The following WDPCP variants were observed in gnomAD, a reference collection of about 807,000 sequenced individuals.
WDPCP encodes the protein WD repeat containing planar cell polarity effector, also known as WD repeat-containing and planar cell polarity effector protein fritz homolog.
Under a neutral mutation model 93.1 loss-of-function variants are expected in WDPCP, and 71 were observed. That is an observed-to-expected ratio of 0.76 (90% CI 0.63 to 0.93). The LOEUF is 0.93. Ranked by LOEUF, WDPCP falls within the 40% of genes least tolerant of loss-of-function variation. The pLI is 0.00. For synonymous variants in WDPCP, 315 were observed against 315.0 expected (o/e 1.00, Z 0.00); for missense variants, 844 against 887.4 (o/e 0.95, Z 0.62).
intron 15 of WDPCP, among the ~76,000 whole-genome samples, chr2:63,169,403 A>AT (rs1241587542): frequency 6.6e-6 from 1 of 152,040 alleles, no homozygotes; most frequent in Non-Finnish European, 1.5e-5. Flanking sequence ...CTTATATTTT[A>AT]TTTTTTTGAA....
chr2:63,615,764 G>C lies in WDPCP; in HGVS notation n.488+34895C>G, dbSNP rs370288788. On this transcript the variant is annotated intron_variant and non_coding_transcript_variant, in intron 3 of 4. Coordinates refer to the WDPCP transcript ENST00000467687. ...CCCAGGCAATGAGGCCATTTCAAGA[G>C]GGGTGTCAGCCACAACCCTTAGGAT... is the stretch of plus-strand genomic sequence containing the variant. Among the ~76,000 whole-genome samples the C allele has an allele frequency of 3.2e-4, 48 of 152,296 alleles. 1 individual carries two copies. In the East Asian group the frequency reaches 9.1e-3, roughly 29 times the overall value.
chr2:63,329,327 C>T (rs1687807356), intron 12 of WDPCP, among the ~76,000 whole-genome samples: 1 of 152,132 alleles, frequency 6.6e-6, no homozygotes, highest in African/African-American at 2.4e-5. Context: ...GCAAAATGTG[C>T]TCCGGGTTCA....
chr2:63,138,787 T>C (rs1670833418), intron 17 of WDPCP, among the ~76,000 whole-genome samples: 1 of 152,120 alleles, frequency 6.6e-6, no homozygotes, highest in Non-Finnish European at 1.5e-5. Context: ...TTGGGAGATT[T>C]TGGTGCACCC....
rs548973188 is a variant in WDPCP, at chr2:63,656,117, C to T, written n.309-5279G>A. 3.3e-5 allele frequency among the ~76,000 whole-genome samples: 5 copies of T among 152,296 alleles called. No homozygotes were observed. In the South Asian group the frequency reaches 8.3e-4, roughly 25 times the overall value. On this transcript the variant is annotated intron_variant and non_coding_transcript_variant, in intron 2 of 4. Coordinates refer to the WDPCP transcript ENST00000467687. Reference sequence around the variant, plus strand: ...CTCCTATTTCTCTGAACTTAGAATGCAGGTACTTGGTGCCTTTTGTTCTCA... The same window carrying T: ...CTCCTATTTCTCTGAACTTAGAATGTAGGTACTTGGTGCCTTTTGTTCTCA...
chr2:63,823,245 C>T (rs1433621471), intron 1 of WDPCP, among the ~76,000 whole-genome samples: 1 of 150,826 alleles, frequency 6.6e-6, no homozygotes, highest in Non-Finnish European at 1.5e-5. Flanking sequence ...CAGTAGCTCA[C>T]GTCTGTAATC....
At chr2:63,654,262 AAAT>A (rs1710141264) in intron 2 of WDPCP, among the ~76,000 whole-genome samples, 1 of 152,220 alleles carries the variant, frequency 6.6e-6, no homozygotes, top group Non-Finnish European at 1.5e-5. Context: ...AAGACAATAA[AAAT>A]AATCTAAAAC....
At chr2:63,792,504 C>T (rs983336145) in intron 2 of WDPCP, among the ~76,000 whole-genome samples, 1 of 152,128 alleles carries the variant, frequency 6.6e-6, no homozygotes, top group African/African-American at 2.4e-5. Context: ...ACCATATCAA[C>T]ATGTCAGCCC....
intron 2 of WDPCP, among the ~76,000 whole-genome samples, chr2:63,796,589 A>G (rs534118919): frequency 2.0e-5 from 3 of 152,346 alleles, no homozygotes; most frequent in Admixed American, 6.5e-5. Context: ...AAACATTGCA[A>G]TGGAACTCAG....
At chr2:63,474,134 T>C (rs1406587494) in intron 6 of WDPCP, among the ~76,000 whole-genome samples, 3 of 152,146 alleles carry the variant, frequency 2.0e-5, no homozygotes, top group Non-Finnish European at 4.4e-5. Flanking sequence ...GGAAATGCTA[T>C]ATAAATTTTA....
In WDPCP at chr2:63,119,685, C is replaced by G. The variant is rs1669450900; in HGVS notation, c.*2321G>C. The G allele has an allele frequency of 6.6e-6, 1 of 152,138 alleles. No homozygotes were observed. Among genetic ancestry groups the G allele is most frequent in the South Asian group, 2.1e-4 (1 of 4,830 alleles). The allele number at this position is 152,138 out of a possible 1,614,324, so 9.4% of individuals were successfully genotyped here. A position where few individuals can be genotyped will look rare whatever the true frequency, so the allele number is the denominator to read the frequency against. Reference sequence around the variant, plus strand: ...GTTGAAAAAGCTCATGGGTCTATTCCTAAAGGACAACCTGTGAACCTGTCA... The same window carrying G: ...GTTGAAAAAGCTCATGGGTCTATTCGTAAAGGACAACCTGTGAACCTGTCA... On this transcript the variant is annotated 3_prime_UTR_variant, in exon 18 of 18. Coordinates refer to ENST00000272321, the MANE Select transcript of WDPCP (RefSeq NM_015910.7).
chr2:63,714,654 C>G (rs902418671), intron 2 of WDPCP, among the ~76,000 whole-genome samples: 1 of 151,988 alleles, frequency 6.6e-6, no homozygotes, highest in African/African-American at 2.4e-5. Flanking sequence ...ACAGTAAAAC[C>G]CTGTCTCTAC....
chr2:63,690,232 G>T (rs1431312994), intron 2 of WDPCP, among the ~76,000 whole-genome samples: 1 of 152,188 alleles, frequency 6.6e-6, no homozygotes, highest in Non-Finnish European at 1.5e-5. Context: ...AGATTGGAGA[G>T]AAATTATTGT....
intron 14 of WDPCP, among the ~76,000 whole-genome samples, chr2:63,186,811 GTTT>G (rs34323591): frequency 1.5e-5 from 2 of 132,554 alleles, no homozygotes; most frequent in Admixed American, 7.5e-5. Flanking sequence ...GTGTGTGTGT[GTTT>G]TTTTTTTTTT....
At chr2:63,501,959 C>A (rs911679091) in intron 1 of WDPCP, among the ~76,000 whole-genome samples, 1 of 152,126 alleles carries the variant, frequency 6.6e-6, no homozygotes, top group Non-Finnish European at 1.5e-5. Flanking sequence ...AAAAGCAACA[C>A]ATACTTATTG....
chr2:63,766,631 T>A (rs1471751847), intron 2 of WDPCP, among the ~76,000 whole-genome samples: 1 of 151,766 alleles, frequency 6.6e-6, no homozygotes, highest in Non-Finnish European at 1.5e-5. Context: ...AATGCATATG[T>A]TTAAAGTCTC....
intron 14 of WDPCP, among the ~76,000 whole-genome samples, chr2:63,203,849 C>T (rs1559199850): frequency 6.6e-6 from 1 of 152,156 alleles, no homozygotes; most frequent in Admixed American, 6.5e-5. Flanking sequence ...CTTATTTCAT[C>T]CAGTTCCATC....
chr2:63,721,595 C>G lies in WDPCP; in HGVS notation n.309-70757G>C, dbSNP rs181344872. Among the ~76,000 whole-genome samples the G allele has an allele frequency of 1.4e-4, 21 of 152,286 alleles. No individual in the cohort carries two copies. In the East Asian group the frequency reaches 3.7e-3, roughly 27 times the overall value. Reference sequence around the variant, plus strand: ...CAGTAACTTTCTCATTCTCCTGGCTCCAGCTATAATGGCCTTTCCATTTTT... The same window carrying G: ...CAGTAACTTTCTCATTCTCCTGGCTGCAGCTATAATGGCCTTTCCATTTTT... On this transcript the variant is annotated intron_variant and non_coding_transcript_variant, in intron 2 of 4. Coordinates refer to the WDPCP transcript ENST00000467687.
chr2:63,337,187 C>T (rs551911426), intron 12 of WDPCP, among the ~76,000 whole-genome samples: 44 of 152,198 alleles, frequency 2.9e-4, no homozygotes, highest in Middle Eastern at 3.4e-3. Context: ...CCACTGCGCA[C>T]GGCCCATGAG....
At chr2:63,516,688 C>A (rs1558741756) in intron 1 of WDPCP, among the ~76,000 whole-genome samples, 1 of 152,170 alleles carries the variant, frequency 6.6e-6, no homozygotes, top group South Asian at 2.1e-4. Context: ...ATGACTGCCA[C>A]CTCATAGGAA....
Sources: gnomAD v4.1 joint callset for allele counts (sites outside exome capture counted in the v4.1 genomes callset) on GRCh38, gnomAD v4.1.1 for gene constraint, MANE v1.5 for transcripts, NCBI Gene and HGNC (gene_info 2026-07-23, HGNC 2026-07-21) for gene names.